GLIPR1L1: variants seen among roughly 807,000 people sequenced by gnomAD.
The protein encoded by GLIPR1L1 is GLIPR1 like 1, also known as GLIPR1-like protein 1.
A neutral mutation model predicts 29.9 loss-of-function variants in GLIPR1L1; 26 were observed. That is an observed-to-expected ratio of 0.87 (90% confidence interval 0.64 to 1.21). The LOEUF (loss-of-function observed/expected upper bound fraction) is 1.21, where lower values mean the gene tolerates loss of function less well. GLIPR1L1 is among the 50% of genes most tolerant of loss of function. GLIPR1L1 has a pLI of 0.00. For missense variants in GLIPR1L1, 305 were observed against 290.3 expected (o/e 1.05, Z -0.37); for synonymous variants, 77 against 97.5 (o/e 0.79, Z 1.24).
At chr12:75,366,166 T>C (rs1463683212) in intron 4 of GLIPR1L1, among the ~76,000 whole-genome samples, 1 of 152,182 alleles carries the variant, frequency 6.6e-6, no homozygotes, top group Non-Finnish European at 1.5e-5. Context: ...CTCTTAACTT[T>C]AAGCCAGTTT....
At chr12:75,346,081 T>C (rs1158798557) in intron 2 of GLIPR1L1, among the ~76,000 whole-genome samples, 1 of 152,230 alleles carries the variant, frequency 6.6e-6, no homozygotes, top group East Asian at 1.9e-4. Context: ...TTACATCTAG[T>C]TTCTTTAATG....
At chr12:75,355,787 C>T (rs1284984848) in intron 3 of GLIPR1L1, among the ~76,000 whole-genome samples, 2 of 152,122 alleles carry the variant, frequency 1.3e-5, no homozygotes, top group African/African-American at 4.8e-5. Context: ...ACATGGAATA[C>T]TATGCAGCCA....
At position 75,334,739 on chromosome 12, in the gene GLIPR1L1, A is replaced by C. The variant is rs377073606; in HGVS notation, c.11A>C (p.Lys4Thr). ...CCTCCACATCCTTCCATGGCTCTGAAGAATAAATTCAGTTGTTTATGGATC... is the reference window on the plus strand; with the variant it reads ...CCTCCACATCCTTCCATGGCTCTGACGAATAAATTCAGTTGTTTATGGATC... MAL[K>T]NKFSCLWILG... Residue 4 changes from lysine to threonine, a missense_variant, in exon 1 of 6, where the codon AAG becomes ACG. Transcript: ENST00000378695. 1 of 1,613,612 alleles carries C rather than the reference A, an allele frequency of 6.2e-7. No individual in the cohort carries two copies. The highest frequency in any genetic ancestry group is 8.5e-7 in the Non-Finnish European group (1 of 1,179,752).
chr12:75,369,586 G>A, intron 4 of GLIPR1L1: 3 of 984,708 alleles, frequency 3.0e-6, no homozygotes, highest in Non-Finnish European at 3.6e-6. Context: ...TTACAGAAAT[G>A]AATGAGATTG....
chr12:75,347,824 T>C (rs2042557864), intron 3 of GLIPR1L1, 102 bp downstream of exon 3: 2 of 572,064 alleles, frequency 3.5e-6, no homozygotes, highest in East Asian at 3.2e-5. Flanking sequence ...TTTTGATAAG[T>C]AATGACTCCC....
intron 1 of GLIPR1L1, among the ~76,000 whole-genome samples, chr12:75,340,531 A>C (rs187900716): frequency 1.5e-3 from 223 of 152,148 alleles, no homozygotes; most frequent in African/African-American, 5.0e-3. Context: ...CATATAATGA[A>C]TTATTTTGAT....
At chr12:75,359,897 A>C (rs894042503) in intron 3 of GLIPR1L1, 1 of 152,184 alleles carries the variant, frequency 6.6e-6, no homozygotes, top group Non-Finnish European at 1.5e-5. Context: ...TTATAAAGGA[A>C]ATAGGTTTAA....
chr12:75,362,564 T>G (rs1192724423), intron 3 of GLIPR1L1, among the ~76,000 whole-genome samples: 1 of 152,208 alleles, frequency 6.6e-6, no homozygotes, highest in Non-Finnish European at 1.5e-5. Context: ...TGTTATGTTT[T>G]TATTTGTGTA....
At chr12:75,364,464 C>T (rs1373250267) in intron 4 of GLIPR1L1, among the ~76,000 whole-genome samples, 2 of 152,204 alleles carry the variant, frequency 1.3e-5, no homozygotes, top group African/African-American at 2.4e-5. Context: ...TCCTGTCCCT[C>T]AGTGGAACCC....
At chr12:75,350,661 T>TA (rs2042745366) in intron 3 of GLIPR1L1, among the ~76,000 whole-genome samples, 1 of 151,600 alleles carries the variant, frequency 6.6e-6, no homozygotes, top group Admixed American at 6.6e-5. Context: ...ACAGCATCAA[T>TA]AAAAAAAGAC....
intron 1 of GLIPR1L1, among the ~76,000 whole-genome samples, chr12:75,339,680 G>A (rs1219009193): frequency 1.3e-5 from 2 of 152,098 alleles, no homozygotes; most frequent in African/African-American, 4.8e-5. Flanking sequence ...GTCCTGAATG[G>A]TATTGCCTAG....
At chr12:75,359,753 A>T (rs1377563412) in intron 3 of GLIPR1L1, 1 of 152,170 alleles carries the variant, frequency 6.6e-6, no homozygotes, top group African/African-American at 2.4e-5. Flanking sequence ...AAAAATTAAT[A>T]AATCATACTG....
intron 3 of GLIPR1L1, among the ~76,000 whole-genome samples, chr12:75,355,849 C>A (rs1344544890): frequency 2.6e-5 from 4 of 152,112 alleles, no homozygotes; most frequent in African/African-American, 9.7e-5. Flanking sequence ...GAGCTAGAAG[C>A]TATTATTCTT....
At chr12:75,354,311 A>C (rs1468757365) in intron 3 of GLIPR1L1, among the ~76,000 whole-genome samples, 2 of 151,786 alleles carry the variant, frequency 1.3e-5, no homozygotes, top group South Asian at 2.1e-4. Flanking sequence ...AGACAAAAAA[A>C]GTCACAAGCA....
chr12:75,346,711 T>A (rs1257816473), intron 2 of GLIPR1L1, among the ~76,000 whole-genome samples: 5 of 152,338 alleles, frequency 3.3e-5, no homozygotes, highest in African/African-American at 1.2e-4. Flanking sequence ...GGTAAATATT[T>A]TTTTTGCTGG....
intron 1 of GLIPR1L1, among the ~76,000 whole-genome samples, chr12:75,337,080 C>A (rs911813695): frequency 6.6e-6 from 1 of 151,638 alleles, no homozygotes; most frequent in African/African-American, 2.4e-5. Flanking sequence ...CACAGCATAT[C>A]AAAATTTGTG....
At chr12:75,370,055 C>T (rs764872848) in intron 5 of GLIPR1L1, 30 bp from the exon 6 acceptor site, 1 of 1,407,206 alleles carries the variant, frequency 7.1e-7, no homozygotes, top group African/African-American at 1.4e-5. Context: ...GAACTCTTAA[C>T]TATTCTGGTT....
intron 2 of GLIPR1L1, among the ~76,000 whole-genome samples, chr12:75,345,946 T>C (rs2042415905): frequency 6.6e-6 from 1 of 152,206 alleles, no homozygotes. Flanking sequence ...TTAGGAATGG[T>C]TATATTCTTA....
At chr12:75,362,274 A>G (rs4539373) in intron 3 of GLIPR1L1, among the ~76,000 whole-genome samples, 140,938 of 152,206 alleles carry the variant, frequency 0.93, 65,327 homozygotes, top group East Asian at 1. Flanking sequence ...ATCATCATTC[A>G]TCATTTAAAA....
Sources: allele counts gnomAD v4.1 joint callset (sites outside exome capture counted in the v4.1 genomes callset), GRCh38; gene constraint gnomAD v4.1.1; transcripts MANE v1.5; gene names NCBI Gene and HGNC (gene_info 2026-07-23, HGNC 2026-07-21).